The following SOX5 variants were observed in gnomAD, a reference collection of about 807,000 sequenced individuals.
SOX5 encodes the protein SRY-box transcription factor 5, also known as transcription factor SOX-5.
Under a neutral mutation model 92.0 loss-of-function variants are expected in SOX5, and 9 were observed. The observed-to-expected ratio is 0.10, with a 90% CI of 0.06 to 0.17. SOX5 has a LOEUF of 0.17. Among genes scored for constraint, SOX5 ranks in the 10% least tolerant of loss-of-function variants. The probability of loss-of-function intolerance (pLI) is 1.00; values close to 1 mark genes in which losing one functional copy is unlikely to be tolerated. For missense variants in SOX5, 642 were observed against 944.5 expected (o/e 0.68, Z 4.20); for synonymous variants, 344 against 336.3 (o/e 1.02, Z -0.25).
intron 4 of SOX5, among the ~76,000 whole-genome samples, chr12:24,080,323 C>T (rs374584058): frequency 6.6e-6 from 1 of 151,844 alleles, no homozygotes; most frequent in African/African-American, 2.4e-5. Context: ...GATTGCAATG[C>T]TAACATATAG....
chr12:24,019,390 A>C (rs537867990), intron 4 of SOX5, among the ~76,000 whole-genome samples: 5 of 152,336 alleles, frequency 3.3e-5, no homozygotes, highest in African/African-American at 1.2e-4. Context: ...TAGAAAAATA[A>C]ATTGCCAAAT....
rs184580520 is a variant in SOX5 at position 24,164,221 on chromosome 12, T to C, written c.-2+49122A>G. Among the ~76,000 whole-genome samples, 508 of 152,116 alleles carry C rather than the reference T, an allele frequency of 3.3e-3. 3 individuals are homozygous for C. The highest frequency in any genetic ancestry group is 0.011 in the African/African-American group (473 of 41,554). Reference sequence around the variant, plus strand: ...CACACTGGCTGTTATGAGACAGAAGTAAAATACCCATCAGTAGAACTGTAG... The same window carrying C: ...CACACTGGCTGTTATGAGACAGAAGCAAAATACCCATCAGTAGAACTGTAG... On this transcript the variant is annotated intron_variant, in intron 4 of 4. Coordinates refer to the SOX5 transcript ENST00000446891.
intron 2 of SOX5, chr12:24,357,420 T>A (rs1040328634): frequency 2.0e-5 from 3 of 152,198 alleles, no homozygotes; most frequent in Admixed American, 1.3e-4. Context: ...CTCAGAATCC[T>A]GCAGTGATGA....
chr12:23,560,768 C>T (rs1383063550), intron 11 of SOX5, among the ~76,000 whole-genome samples: 2 of 152,216 alleles, frequency 1.3e-5, no homozygotes, highest in African/African-American at 4.8e-5. Flanking sequence ...TGTACACAGA[C>T]ATAGATTGAT....
intron 1 of SOX5, among the ~76,000 whole-genome samples, chr12:24,481,339 G>T (rs1307030883): frequency 6.6e-6 from 1 of 152,020 alleles, no homozygotes; most frequent in Non-Finnish European, 1.5e-5. Flanking sequence ...GAATGAATAA[G>T]ACCTAGTATA....
intron 1 of SOX5, among the ~76,000 whole-genome samples, chr12:24,530,029 A>G (rs1248052621): frequency 5.3e-5 from 8 of 151,674 alleles, no homozygotes; most frequent in South Asian, 2.1e-4. Flanking sequence ...CAAAAAAAAA[A>G]AAAAAAAAAA....
rs552451359 is a variant in SOX5 at position 24,265,519 on chromosome 12, G to A, written c.-77+11697C>T. Among the ~76,000 whole-genome samples, 6 of 152,166 alleles carry A rather than the reference G, an allele frequency of 3.9e-5. No homozygotes were observed. The South Asian group carries it at 1.2e-3, about 32-fold the overall frequency. On this transcript the variant is annotated intron_variant, in intron 3 of 4. Coordinates refer to the SOX5 transcript ENST00000446891. Reference sequence around the variant, plus strand: ...AGGTCGTGCCACTGTACTCCAGCCTGGGCAACAGAGTGAGAGTCCATCTCA... The same window carrying A: ...AGGTCGTGCCACTGTACTCCAGCCTAGGCAACAGAGTGAGAGTCCATCTCA...
At chr12:24,204,424 G>A (rs562460897) in intron 4 of SOX5, among the ~76,000 whole-genome samples, 5 of 152,054 alleles carry the variant, frequency 3.3e-5, no homozygotes, top group East Asian at 3.9e-4. Flanking sequence ...CACCTCTTGG[G>A]TTCAAGTGAT....
chr12:23,937,070 T>G (rs4517619), intron 1 of SOX5, among the ~76,000 whole-genome samples: 42,404 of 150,696 alleles, frequency 0.28, 6,946 homozygotes, highest in East Asian at 0.71. Context: ...CAATATGTAT[T>G]TTTCCATTCA....
intron 1 of SOX5, among the ~76,000 whole-genome samples, chr12:24,409,423 C>T (rs1963646407): frequency 6.6e-6 from 1 of 152,102 alleles, no homozygotes; most frequent in Non-Finnish European, 1.5e-5. Context: ...TGTAACAAAC[C>T]TGCACTTTCT....
intron 1 of SOX5, among the ~76,000 whole-genome samples, chr12:24,556,071 T>C (rs1013550799): frequency 6.6e-6 from 1 of 152,140 alleles, no homozygotes; most frequent in Non-Finnish European, 1.5e-5. Context: ...GGCTGCACTA[T>C]AGTCAAGCTT....
At chr12:24,061,604 A>G (rs1939715912) in intron 4 of SOX5, among the ~76,000 whole-genome samples, 1 of 152,180 alleles carries the variant, frequency 6.6e-6, no homozygotes, top group Non-Finnish European at 1.5e-5. Flanking sequence ...ATAGGGCATC[A>G]CACAAAAGCT....
intron 1 of SOX5, among the ~76,000 whole-genome samples, chr12:23,916,542 G>A (rs2097419482): frequency 6.6e-6 from 1 of 152,136 alleles, no homozygotes; most frequent in Non-Finnish European, 1.5e-5. Context: ...ACTGCTGTGG[G>A]TGTACTGTCA....
At chr12:23,537,785 C>T (rs1462743546) in intron 13 of SOX5, among the ~76,000 whole-genome samples, 3 of 150,440 alleles carry the variant, frequency 2.0e-5, no homozygotes, top group African/African-American at 4.9e-5. Flanking sequence ...GTAATGTGTC[C>T]GGAATTGGTG....
At chr12:23,831,302 A>T (rs1381404339) in intron 3 of SOX5, among the ~76,000 whole-genome samples, 1 of 152,172 alleles carries the variant, frequency 6.6e-6, no homozygotes, top group Admixed American at 6.6e-5. Context: ...TAAATAATGA[A>T]CAATGGATAT....
intron 4 of SOX5, among the ~76,000 whole-genome samples, chr12:24,207,300 A>G (rs1261159239): frequency 1.3e-5 from 2 of 152,240 alleles, no homozygotes. Context: ...ATGACTCTAT[A>G]GATGGATGGG....
chr12:24,378,795 C>T (rs186913426), intron 1 of SOX5, among the ~76,000 whole-genome samples: 48 of 152,240 alleles, frequency 3.2e-4, no homozygotes, highest in African/African-American at 9.4e-4. Flanking sequence ...TTATACTTAC[C>T]GCTGTGAGCA....
chr12:23,585,177 AG>A (rs1207367484), intron 9 of SOX5, among the ~76,000 whole-genome samples: 1 of 152,208 alleles, frequency 6.6e-6, no homozygotes, highest in Non-Finnish European at 1.5e-5. Flanking sequence ...ATAACAGAAT[AG>A]GAACATATGC....
chr12:23,966,699 A>ATGAT (rs1189007203), intron 4 of SOX5, among the ~76,000 whole-genome samples: 1 of 152,296 alleles, frequency 6.6e-6, no homozygotes, highest in East Asian at 1.9e-4. Flanking sequence ...AACCTCTCTT[A>ATGAT]TGATCTTCAG....
Sources: allele counts gnomAD v4.1 joint callset (sites outside exome capture counted in the v4.1 genomes callset), GRCh38; gene constraint gnomAD v4.1.1; transcripts MANE v1.5; gene names NCBI Gene and HGNC (gene_info 2026-07-23, HGNC 2026-07-21).